Variants in TP73 observed in about 807,000 individuals in gnomAD.
The protein encoded by TP73 is tumor protein p73.
A neutral mutation model predicts 62.5 loss-of-function variants in TP73; 25 were observed. That is an observed-to-expected ratio of 0.40 (90% CI 0.29 to 0.56). The LOEUF (loss-of-function observed/expected upper bound fraction) is 0.56, where lower values mean the gene tolerates loss of function less well. TP73 is among the 20% of genes least tolerant of loss of function. TP73 has a pLI of 0.46. For synonymous variants in TP73, 423 were observed against 377.5 expected, an observed-to-expected ratio of 1.12 and a Z score of -1.40; for missense variants, 754 against 913.3, an observed-to-expected ratio of 0.83 and a Z score of 2.25.
At position 3,663,695 on chromosome 1, in the gene TP73, CAAA is replaced by C. The variant is rs36060423; in HGVS notation, c.-34+11067_-34+11069del. 4.6e-5 allele frequency among the ~76,000 whole-genome samples: 6 copies of C among 131,082 alleles called. No individual in the cohort carries two copies. The highest frequency in any genetic ancestry group is 5.0e-5 in the Non-Finnish European group (3 of 59,608). 86.0% of individuals were successfully genotyped at this position (131,082 alleles called of 152,430 possible). On this transcript the variant is annotated intron_variant, in intron 1 of 13. Transcript: ENST00000378295. The surrounding 1 kb of genome is among the most constrained non-coding windows in gnomAD (Gnocchi z 4.7). ...CGTGCAACAATGCGAGACTCCATCT[CAAA>C]AAAAAAAAAAAAGAAAGAAAGAAAG...
rs553003917 is a variant in TP73, at chr1:3,708,177, A to T, written c.429+386A>T. 1.3e-3 allele frequency: 384 copies of T among 285,360 alleles called. 1 individual carries two copies. Among genetic ancestry groups the T allele is most frequent in the African/African-American group, 7.7e-3 (362 of 46,726 alleles). 17.7% of individuals were successfully genotyped at this position (285,360 alleles called of 1,614,324 possible). A position where few individuals can be genotyped will look rare whatever the true frequency, so the allele number is the denominator to read the frequency against. On this transcript the variant is annotated intron_variant, in intron 4 of 13. Transcript: ENST00000378295. ...AGAGTTGTCTGTCCGAGACAGGCCC[A>T]CAGCCCTAGGGTCTGCAGAACCTGC...
rs1641875670 is a variant in TP73, at chr1:3,728,724, C to T, written c.1074+507C>T. Among the ~76,000 whole-genome samples, 4 of 152,346 alleles carry T rather than the reference C, an allele frequency of 2.6e-5. No homozygotes were observed. In the South Asian group the frequency reaches 6.2e-4, roughly 24 times the overall value. ...GGTCAGTGGCTCATGCCTGTAATCCCGGCATTTTGGGAGGCTGAGGCGGGT... is the reference window on the plus strand; with the variant it reads ...GGTCAGTGGCTCATGCCTGTAATCCTGGCATTTTGGGAGGCTGAGGCGGGT... On this transcript the variant is annotated intron_variant, in intron 9 of 13. Coordinates refer to ENST00000378295, the MANE Select transcript of TP73 (RefSeq NM_005427.4).
chr1:3,702,262 G>A (rs3765742), intron 3 of TP73, among the ~76,000 whole-genome samples: 43,485 of 152,088 alleles, frequency 0.29, 7,618 homozygotes, highest in Non-Finnish European at 0.38. Flanking sequence ...GGGGGCAGGC[G>A]GGACCCTCCA....
intron 3 of TP73, among the ~76,000 whole-genome samples, chr1:3,705,561 C>T (rs1351924890): frequency 3.9e-5 from 6 of 152,232 alleles, no homozygotes; most frequent in South Asian, 2.1e-4. Context: ...AGCCAGGGCA[C>T]GGGTCGCCCC....
intron 4 of TP73, among the ~76,000 whole-genome samples, chr1:3,712,842 A>G (rs1267163097): frequency 1.3e-5 from 2 of 152,090 alleles, no homozygotes; most frequent in African/African-American, 4.8e-5. Context: ...ACCTGGCCCC[A>G]GCAGCCAGAC....
intron 3 of TP73, among the ~76,000 whole-genome samples, chr1:3,702,710 C>T (rs1220965355): frequency 5.9e-5 from 9 of 152,352 alleles, no homozygotes; most frequent in Non-Finnish European, 7.3e-5. Context: ...CTCTGGCTCC[C>T]GCGCACTCCT....
Position 3,733,126 on chromosome 1 carries a change from T to C in TP73, c.*47T>C, listed in dbSNP as rs1642268321. On this transcript the variant is annotated 3_prime_UTR_variant, in exon 14 of 14. Coordinates refer to ENST00000378295, the MANE Select transcript of TP73 (RefSeq NM_005427.4). ...TGCGCCACCGCCCAGAGACCCAAGC[T>C]GCCTCCCCTCTCCTTCCTGTGTGTC... The C allele has an allele frequency of 6.7e-7, 1 of 1,483,720 alleles. No homozygotes were observed. The highest frequency in any genetic ancestry group is 9.0e-7 in the Non-Finnish European group (1 of 1,114,968). The allele number at this position is 1,483,720 out of a possible 1,614,324, so 91.9% of individuals were successfully genotyped here. A position where few individuals can be genotyped will look rare whatever the true frequency, so the allele number is the denominator to read the frequency against.
intron 9 of TP73, among the ~76,000 whole-genome samples, chr1:3,729,035 T>C (rs1395720857): frequency 6.6e-6 from 1 of 151,616 alleles, no homozygotes; most frequent in Admixed American, 6.6e-5. Context: ...ACAGACTTGG[T>C]TTCTAAAAAC....
chr1:3,720,067 C>T (rs1422244134), intron 4 of TP73, among the ~76,000 whole-genome samples: 3 of 152,288 alleles, frequency 2.0e-5, no homozygotes, highest in Admixed American at 1.3e-4. Flanking sequence ...GGACTACAGG[C>T]GCCCGCCACC....
rs3765708 is a variant in TP73, at chr1:3,681,521, A to G, written c.-33-812A>G. ...CGGGCGCTGGGGTCAGAGCTCTCCA[A>G]TCCCTGGGTGTCTCCTTCTCAAGGC... On this transcript the variant is annotated intron_variant, in intron 1 of 13. Coordinates refer to ENST00000378295, the MANE Select transcript of TP73 (RefSeq NM_005427.4). 4.7e-4 allele frequency among the ~76,000 whole-genome samples: 71 copies of G among 152,236 alleles called. 3 individuals carry two copies. The East Asian group carries it at 0.011, about 24-fold the overall frequency.
intron 1 of TP73, among the ~76,000 whole-genome samples, chr1:3,680,212 C>T (rs533163949): frequency 1.4e-4 from 21 of 152,350 alleles, no homozygotes; most frequent in East Asian, 3.9e-4. Flanking sequence ...GTCTCACCCA[C>T]GCTGTAGCAT....
At chr1:3,725,274 C>T (rs1641411410) in intron 6 of TP73, among the ~76,000 whole-genome samples, 1 of 151,976 alleles carries the variant, frequency 6.6e-6, no homozygotes, top group Non-Finnish European at 1.5e-5. Context: ...CTGTGCTTCT[C>T]TGAGAGCAGA....
chr1:3,678,810 A>T (rs1307262811), intron 1 of TP73, among the ~76,000 whole-genome samples: 1 of 152,094 alleles, frequency 6.6e-6, no homozygotes, highest in Non-Finnish European at 1.5e-5. Flanking sequence ...CACTGTGGGG[A>T]GGGGTGTCCT....
intron 3 of TP73, among the ~76,000 whole-genome samples, chr1:3,706,637 C>T (rs1230207242): frequency 6.6e-6 from 1 of 152,142 alleles, no homozygotes; most frequent in East Asian, 1.9e-4. Context: ...TCCTCAGCAG[C>T]CCACCAAGTG....
chr1:3,674,846 G>A (rs560073022), intron 1 of TP73, among the ~76,000 whole-genome samples: 3 of 152,214 alleles, frequency 2.0e-5, no homozygotes, highest in Non-Finnish European at 4.4e-5. Flanking sequence ...TGGGAGAGCC[G>A]CTGTCTCACA....
At chr1:3,704,442 G>A (rs1361669897) in intron 3 of TP73, among the ~76,000 whole-genome samples, 5 of 152,124 alleles carry the variant, frequency 3.3e-5, no homozygotes, top group African/African-American at 1.2e-4. Context: ...GTCCTCGTGG[G>A]TTCACAGTCG....
chr1:3,695,427 C>T (rs374821794), intron 3 of TP73, among the ~76,000 whole-genome samples: 76 of 152,334 alleles, frequency 5.0e-4, no homozygotes, highest in African/African-American at 1.8e-3. Flanking sequence ...GAGCCTGTCT[C>T]GCCGCAGGGC....
Position 3,722,122 on chromosome 1 carries a change from C to T in TP73, c.531C>T (p.Ala177=). ...CACCCCCAGGCACCGCCATCCGGGC[C>T]ATGCCTGTTTACAAGAAAGCGGAGC... ...TPPPPGTAIR[A]MPVYKKAEHV... The change falls in exon 5 of 14, where the codon GCC becomes GCT. Residue 177 remains alanine, a synonymous_variant. Coordinates refer to ENST00000378295, the MANE Select transcript of TP73 (RefSeq NM_005427.4). The T allele has an allele frequency of 6.2e-7, 1 of 1,612,924 alleles. No individual in the cohort carries two copies. Among genetic ancestry groups the T allele is most frequent in the African/African-American group, 1.3e-5 (1 of 75,038 alleles).
chr1:3,661,865 A>C (rs552119943), intron 1 of TP73, among the ~76,000 whole-genome samples: 1 of 147,284 alleles, frequency 6.8e-6, no homozygotes, highest in Non-Finnish European at 1.5e-5. Context: ...ATATATACAC[A>C]CAATATATAT....
Sources: gnomAD v4.1 joint callset for allele counts (sites outside exome capture counted in the v4.1 genomes callset) on GRCh38, gnomAD v4.1.1 for gene constraint, Gnocchi (gnomAD v3.1) non-coding constraint, MANE v1.5 for transcripts, NCBI Gene and HGNC (gene_info 2026-07-23, HGNC 2026-07-21) for gene names.